Variants in CCDC93 observed in about 807,000 individuals in gnomAD.
The protein encoded by CCDC93 is CCC complex scaffolding subunit CCDC93, also known as coiled-coil domain-containing protein 93.
Under a neutral mutation model 108.2 loss-of-function variants are expected in CCDC93, and 61 were observed. The observed-to-expected ratio is 0.56, with a 90% confidence interval of 0.46 to 0.70. The LOEUF (loss-of-function observed/expected upper bound fraction) is 0.70, where lower values mean the gene tolerates loss of function less well. Among genes scored for constraint, CCDC93 ranks in the 30% least tolerant of loss-of-function variants. CCDC93 has a pLI of 0.00. For missense variants in CCDC93, 685 were observed against 764.2 expected, an observed-to-expected ratio of 0.90 and a Z score of 1.22; for synonymous variants, 276 against 260.4, an observed-to-expected ratio of 1.06 and a Z score of -0.58.
intron 10 of CCDC93, 83 bp downstream of exon 10, chr2:117,974,767 A>G (rs1343965781): frequency 6.0e-6 from 6 of 991,900 alleles, no homozygotes; most frequent in Non-Finnish European, 9.3e-6. Context: ...AGCTCCGGAG[A>G]AGGTGGGCTC....
chr2:118,004,964 C>T (rs190838797), intron 3 of CCDC93, among the ~76,000 whole-genome samples: 1 of 152,112 alleles, frequency 6.6e-6, no homozygotes, highest in African/African-American at 2.4e-5. Context: ...GAGTCACACT[C>T]TATAATAAAA....
chr2:117,977,274 A>G (rs944466099), intron 8 of CCDC93, among the ~76,000 whole-genome samples: 3 of 152,190 alleles, frequency 2.0e-5, no homozygotes, highest in African/African-American at 7.2e-5. Flanking sequence ...CTCTAGGTTC[A>G]GATTCTTATT....
intron 6 of CCDC93, among the ~76,000 whole-genome samples, chr2:117,991,360 T>G (rs1376195628): frequency 6.6e-6 from 1 of 152,026 alleles, no homozygotes; most frequent in Non-Finnish European, 1.5e-5. Flanking sequence ...AGAGAAGCAA[T>G]ATCCCAGGGC....
intron 23 of CCDC93, among the ~76,000 whole-genome samples, chr2:117,922,337 G>A (rs1255770340): frequency 1.3e-5 from 2 of 152,052 alleles, no homozygotes; most frequent in African/African-American, 4.8e-5. Context: ...AGGCGCTTTG[G>A]GTGTTTGTTT....
At chr2:117,926,000 A>T (rs1195903387) in intron 23 of CCDC93, among the ~76,000 whole-genome samples, 1 of 152,220 alleles carries the variant, frequency 6.6e-6, no homozygotes, top group Admixed American at 6.5e-5. Flanking sequence ...AAACTGAACA[A>T]CCTGCTCCTG....
chr2:117,939,963 T>C (rs1230810284), intron 19 of CCDC93, among the ~76,000 whole-genome samples: 1 of 152,202 alleles, frequency 6.6e-6, no homozygotes, highest in East Asian at 1.9e-4. Context: ...TATTTAGGAT[T>C]CTAAAGATTA....
chr2:117,948,090 C>A lies in CCDC93; in HGVS notation c.1224+15G>T, dbSNP rs559810697. 4.6e-4 allele frequency: 729 copies of A among 1,600,722 alleles called. 8 individuals carry two copies. In the South Asian group the frequency reaches 7.7e-3, roughly 17 times the overall value. ...AAGCGTCCTGGTTTATTTGCTGACA[C>A]CAAACAACACTTACTCGACAATGTG... On this transcript the variant is annotated intron_variant, in intron 15 of 23. Transcript: ENST00000376300.
intron 6 of CCDC93, 99 bp downstream of exon 6, chr2:117,995,347 C>T (rs746265839): frequency 8.5e-6 from 8 of 945,692 alleles, no homozygotes; most frequent in South Asian, 1.4e-5. Flanking sequence ...AAGCGATCCC[C>T]GTAGATGGAA....
At chr2:117,988,184 C>G (rs1680375588) in intron 6 of CCDC93, among the ~76,000 whole-genome samples, 1 of 151,884 alleles carries the variant, frequency 6.6e-6, no homozygotes, top group South Asian at 2.1e-4. Context: ...GGCACACACA[C>G]AGGGTTAAAT....
chr2:117,964,006 T>G (rs1573493602), intron 11 of CCDC93, among the ~76,000 whole-genome samples: 1 of 152,356 alleles, frequency 6.6e-6, no homozygotes, highest in South Asian at 2.1e-4. Context: ...TTAGGTATTG[T>G]ATACTAATTA....
At chr2:117,944,449 T>C (rs1344845513) in intron 17 of CCDC93, among the ~76,000 whole-genome samples, 1 of 152,204 alleles carries the variant, frequency 6.6e-6, no homozygotes, top group South Asian at 2.1e-4. Flanking sequence ...TAGTTTTCTA[T>C]GTTTCTACTT....
chr2:117,985,443 C>T, intron 7 of CCDC93: 1 of 977,994 alleles, frequency 1.0e-6, no homozygotes, highest in Non-Finnish European at 1.2e-6. Context: ...GGTTAATACC[C>T]AGTGACAAGC....
chr2:117,975,094 G>A lies in CCDC93; in HGVS notation c.750+94C>T. ...CTGCTCACAGCAGCTGGCTGTGGGA[G>A]GTGGTGGCCATTTGGGAACGCTAGG... On this transcript the variant is annotated intron_variant, in intron 9 of 23. Transcript: ENST00000376300. 3 of 1,152,370 alleles carry A rather than the reference G, an allele frequency of 2.6e-6. No homozygotes were observed. In the Admixed American group the frequency reaches 5.6e-5, roughly 21 times the overall value. 71.4% of individuals were successfully genotyped at this position (1,152,370 alleles called of 1,614,324 possible). A position where few individuals can be genotyped will look rare whatever the true frequency, so the allele number is the denominator to read the frequency against.
At position 117,916,224 on chromosome 2, in the gene CCDC93, GA is replaced by G. The variant is rs1677681549; in HGVS notation, c.*4118del. 6.6e-6 allele frequency: 1 copy of G among 152,094 alleles called. No individual in the cohort carries two copies. The highest frequency in any genetic ancestry group is 2.4e-5 in the African/African-American group (1 of 41,386). The allele number at this position is 152,094 out of a possible 1,614,324, so 9.4% of individuals were successfully genotyped here. A position where few individuals can be genotyped will look rare whatever the true frequency, so the allele number is the denominator to read the frequency against. On this transcript the variant is annotated 3_prime_UTR_variant, in exon 24 of 24. Coordinates refer to ENST00000376300, the MANE Select transcript of CCDC93 (RefSeq NM_019044.5). Reference sequence around the variant, plus strand: ...CCCACTTCTTGGTTCACATGGCTGAGACATTTCTGCCCATCAAGTTACCTTT... The same window carrying G: ...CCCACTTCTTGGTTCACATGGCTGAGCATTTCTGCCCATCAAGTTACCTTT...
intron 3 of CCDC93, among the ~76,000 whole-genome samples, chr2:118,004,129 CT>C (rs774518311): frequency 3.3e-5 from 5 of 152,188 alleles, no homozygotes; most frequent in Non-Finnish European, 7.3e-5. Flanking sequence ...AACTCTGAAA[CT>C]TTTGGCAAGT....
chr2:117,985,207 C>T (rs868121153), intron 7 of CCDC93, among the ~76,000 whole-genome samples: 13 of 151,788 alleles, frequency 8.6e-5, no homozygotes, highest in Admixed American at 3.9e-4. Context: ...ATAATTAAAC[C>T]TAATTTCCTG....
intron 22 of CCDC93, among the ~76,000 whole-genome samples, chr2:117,932,407 C>T (rs1678370620): frequency 6.6e-6 from 1 of 152,194 alleles, no homozygotes. Flanking sequence ...CTTCTGTTGA[C>T]TACACAGGAC....
At position 118,006,715 on chromosome 2, in the gene CCDC93, AACTT is replaced by A. The variant is rs1221683326; in HGVS notation, c.251+3_251+6del. The A allele has an allele frequency of 6.3e-7, 1 of 1,574,822 alleles. No individual in the cohort carries two copies. On this transcript the variant is annotated splice_donor_5th_base_variant and intron_variant, in intron 3 of 23. Coordinates refer to ENST00000376300, the MANE Select transcript of CCDC93 (RefSeq NM_019044.5). ...CCCACCTTTAGGTTTTCCATAGAAA[AACTT>A]ACATTTTTTGACCTATCGTAGAGTT...
At chr2:117,945,867 G>C (rs1255769470) in intron 16 of CCDC93, among the ~76,000 whole-genome samples, 1 of 152,182 alleles carries the variant, frequency 6.6e-6, no homozygotes, top group Non-Finnish European at 1.5e-5. Flanking sequence ...GCTGAAAAGA[G>C]AAATGAGATC....
Sources: gnomAD v4.1 joint callset for allele counts (sites outside exome capture counted in the v4.1 genomes callset) on GRCh38, gnomAD v4.1.1 for gene constraint, MANE v1.5 for transcripts, NCBI Gene and HGNC (gene_info 2026-07-23, HGNC 2026-07-21) for gene names.